Variants in PTPRG observed in about 807,000 individuals in gnomAD.
PTPRG encodes protein tyrosine phosphatase receptor type G, also known as receptor-type tyrosine-protein phosphatase gamma.
A neutral mutation model predicts 165.3 loss-of-function variants in PTPRG; 102 were observed. The ratio of observed to expected loss-of-function variants is 0.62; its 90% CI spans 0.53 to 0.73. The LOEUF (loss-of-function observed/expected upper bound fraction) is 0.73. Among genes scored for constraint, PTPRG ranks in the 30% least tolerant of loss-of-function variants. The pLI is 0.00. For missense variants in PTPRG, 1,866 were observed against 1,861.4 expected, an observed-to-expected ratio of 1.00 and a Z score of -0.05; for synonymous variants, 675 against 669.5, an observed-to-expected ratio of 1.01 and a Z score of -0.13.
intron 2 of PTPRG, among the ~76,000 whole-genome samples, chr3:61,756,856 G>A (rs1294637981): frequency 6.6e-6 from 1 of 152,178 alleles, no homozygotes; most frequent in East Asian, 1.9e-4. Flanking sequence ...AATACTGAGA[G>A]TTTGGGTTTT....
chr3:61,727,325 T>C (rs1054534952), intron 1 of PTPRG, among the ~76,000 whole-genome samples: 1 of 152,088 alleles, frequency 6.6e-6, no homozygotes, highest in Non-Finnish European at 1.5e-5. Flanking sequence ...AGCTAATTTT[T>C]TTGTATTTTT....
At chr3:61,795,922 A>G (rs994373168) in intron 2 of PTPRG, among the ~76,000 whole-genome samples, 1 of 152,122 alleles carries the variant, frequency 6.6e-6, no homozygotes, top group Non-Finnish European at 1.5e-5. Context: ...TTTGCCTTAC[A>G]TGATATATTA....
chr3:61,987,478 G>T (rs931906282), intron 2 of PTPRG, among the ~76,000 whole-genome samples: 1 of 152,196 alleles, frequency 6.6e-6, no homozygotes, highest in African/African-American at 2.4e-5. Flanking sequence ...TTAGTAGTAG[G>T]AGGAGAATTA....
At chr3:61,714,668 A>G (rs1035388629) in intron 1 of PTPRG, among the ~76,000 whole-genome samples, 2 of 152,166 alleles carry the variant, frequency 1.3e-5, no homozygotes, top group Admixed American at 1.3e-4. Flanking sequence ...CAAAAGGATC[A>G]TATGTTTGCT....
chr3:62,263,098 G>A (rs1364468205), intron 17 of PTPRG: 2 of 497,562 alleles, frequency 4.0e-6, no homozygotes, highest in African/African-American at 2.0e-5. Context: ...TCAGGGCTCA[G>A]CGAGCTTAAT....
intron 4 of PTPRG, among the ~76,000 whole-genome samples, chr3:62,033,085 G>C (rs1338529557): frequency 6.6e-6 from 1 of 152,094 alleles, no homozygotes; most frequent in Non-Finnish European, 1.5e-5. Flanking sequence ...ATATGTGTGT[G>C]ACCCGGCTCC....
chr3:61,719,823 A>G (rs2031973693), intron 1 of PTPRG, among the ~76,000 whole-genome samples: 1 of 152,096 alleles, frequency 6.6e-6, no homozygotes, highest in South Asian at 2.1e-4. Flanking sequence ...CACACTTCCC[A>G]GACACCCTTG....
At chr3:62,091,878 C>A (rs1255844465) in intron 5 of PTPRG, among the ~76,000 whole-genome samples, 2 of 151,898 alleles carry the variant, frequency 1.3e-5, no homozygotes, top group Admixed American at 6.6e-5. Flanking sequence ...TCTAAAGGGA[C>A]GAGATACCCC....
intron 2 of PTPRG, among the ~76,000 whole-genome samples, chr3:61,858,539 A>G (rs1227503618): frequency 6.6e-6 from 1 of 152,152 alleles, no homozygotes; most frequent in Non-Finnish European, 1.5e-5. Context: ...GATGTCAATT[A>G]TTTTTTCAAT....
At chr3:61,786,771 T>G (rs1430222772) in intron 2 of PTPRG, among the ~76,000 whole-genome samples, 1 of 152,228 alleles carries the variant, frequency 6.6e-6, no homozygotes, top group Admixed American at 6.5e-5. Flanking sequence ...TAAATGATCA[T>G]TCTCTGATTA....
chr3:61,781,370 G>GA (rs959966386), intron 2 of PTPRG, among the ~76,000 whole-genome samples: 11 of 152,106 alleles, frequency 7.2e-5, no homozygotes, highest in Admixed American at 2.0e-4. Flanking sequence ...ATATAAAAGA[G>GA]AAAAAACATA....
chr3:61,731,164 C>A (rs368901108), intron 1 of PTPRG, among the ~76,000 whole-genome samples: 2 of 152,144 alleles, frequency 1.3e-5, no homozygotes, highest in African/African-American at 4.8e-5. Flanking sequence ...TTTTTACCCC[C>A]GTTGAGTTAG....
intron 2 of PTPRG, among the ~76,000 whole-genome samples, chr3:61,941,362 C>T (rs553375842): frequency 9.9e-5 from 15 of 152,230 alleles, no homozygotes; most frequent in South Asian, 2.1e-4. Context: ...TGGTGGCTCA[C>T]GCCGGTAATC....
chr3:61,984,030 A>AG (rs1340176632), intron 2 of PTPRG, among the ~76,000 whole-genome samples: 1 of 152,172 alleles, frequency 6.6e-6, no homozygotes, highest in South Asian at 2.1e-4. Context: ...CCAGATTTAC[A>AG]GTATTTGCCA....
At chr3:61,644,960 C>T (rs1290988653) in intron 1 of PTPRG, among the ~76,000 whole-genome samples, 2 of 152,146 alleles carry the variant, frequency 1.3e-5, no homozygotes, top group African/African-American at 4.8e-5. Context: ...GACATTAGAG[C>T]TGCTTGGTTT....
chr3:62,213,541 C>G lies in PTPRG; in HGVS notation c.2156-5310C>G, dbSNP rs1322329842. 6.6e-6 allele frequency among the ~76,000 whole-genome samples: 1 copy of G among 152,140 alleles called. No individual in the cohort carries two copies. The highest frequency in any genetic ancestry group is 2.4e-5 in the African/African-American group (1 of 41,424). ...GAGGTGAGTGTTACCATTTGTCTCCCTTTGATACAGGAGTGAACAGACACT... is the reference window on the plus strand; with the variant it reads ...GAGGTGAGTGTTACCATTTGTCTCCGTTTGATACAGGAGTGAACAGACACT... On this transcript the variant is annotated intron_variant, in intron 12 of 29. Coordinates refer to ENST00000474889, the MANE Select transcript of PTPRG (RefSeq NM_002841.4). The surrounding 1 kb of genome is among the most constrained non-coding windows in gnomAD (Gnocchi z 4.4).
At chr3:62,043,832 G>A (rs1209390106) in intron 4 of PTPRG, among the ~76,000 whole-genome samples, 13 of 152,268 alleles carry the variant, frequency 8.5e-5, no homozygotes, top group Admixed American at 2.0e-4. Flanking sequence ...AAGAAAATAC[G>A]TGAATGAAGA....
intron 1 of PTPRG, among the ~76,000 whole-genome samples, chr3:61,639,301 G>C (rs147629924): frequency 6.6e-6 from 1 of 152,194 alleles, no homozygotes; most frequent in East Asian, 1.9e-4. Flanking sequence ...TGCTGTTTTC[G>C]TCACTGTAGC....
intron 12 of PTPRG, among the ~76,000 whole-genome samples, chr3:62,205,647 T>TC (rs1700210417): frequency 6.6e-6 from 1 of 151,996 alleles, no homozygotes; most frequent in Non-Finnish European, 1.5e-5. Flanking sequence ...GAACAGCAGG[T>TC]CCAGAGACCC....
Sources: allele counts gnomAD v4.1 joint callset (sites outside exome capture counted in the v4.1 genomes callset), GRCh38; gene constraint gnomAD v4.1.1; non-coding constraint Gnocchi (gnomAD v3.1); transcripts MANE v1.5; gene names NCBI Gene and HGNC (gene_info 2026-07-23, HGNC 2026-07-21).